Variants in CWC27 observed in about 807,000 individuals in gnomAD.
CWC27 encodes the protein spliceosome-associated protein CWC27 homolog.
Under a neutral mutation model 63.6 loss-of-function variants are expected in CWC27, and 47 were observed. The ratio of observed to expected loss-of-function variants is 0.74; its 90% CI spans 0.58 to 0.94. The LOEUF (loss-of-function observed/expected upper bound fraction) is 0.94, where lower values mean the gene tolerates loss of function less well. Ranked by LOEUF, CWC27 falls within the 40% of genes least tolerant of loss-of-function variation. The pLI, the probability that CWC27 is intolerant of heterozygous loss-of-function variation, is 0.00. For synonymous variants in CWC27, 175 were observed against 179.8 expected (o/e 0.97, Z 0.22); for missense variants, 495 against 554.3 (o/e 0.89, Z 1.07).
chr5:64,791,080 G>A (rs1377769796), intron 7 of CWC27, among the ~76,000 whole-genome samples: 1 of 152,170 alleles, frequency 6.6e-6, no homozygotes, highest in Non-Finnish European at 1.5e-5. Flanking sequence ...AGGCAGCTGG[G>A]GAAGGCAGTT....
intron 7 of CWC27, among the ~76,000 whole-genome samples, chr5:64,792,375 T>C (rs1744115539): frequency 6.6e-6 from 1 of 152,186 alleles, no homozygotes; most frequent in Non-Finnish European, 1.5e-5. Flanking sequence ...AATGATTTGC[T>C]GCTCTATATG....
At chr5:64,799,661 T>C (rs544730122) in intron 7 of CWC27, among the ~76,000 whole-genome samples, 1 of 151,530 alleles carries the variant, frequency 6.6e-6, no homozygotes, top group East Asian at 1.9e-4. Context: ...TTTTATATCT[T>C]GTTTCCCTTC....
chr5:65,008,049 T>C (rs1212342894), intron 13 of CWC27, among the ~76,000 whole-genome samples: 1 of 152,242 alleles, frequency 6.6e-6, no homozygotes, highest in African/African-American at 2.4e-5. Context: ...AGTATATTTG[T>C]ATGTATATGT....
At chr5:64,919,501 C>T (rs1049209472) in intron 11 of CWC27, among the ~76,000 whole-genome samples, 2 of 152,192 alleles carry the variant, frequency 1.3e-5, no homozygotes, top group African/African-American at 4.8e-5. Flanking sequence ...AACCTACACC[C>T]TCATCCTACT....
At chr5:64,893,885 T>C (rs1747302678) in intron 11 of CWC27, among the ~76,000 whole-genome samples, 2 of 151,850 alleles carry the variant, frequency 1.3e-5, no homozygotes, top group African/African-American at 4.8e-5. Context: ...GTTACTTCTG[T>C]GCAATAATCA....
intron 11 of CWC27, among the ~76,000 whole-genome samples, chr5:64,904,496 C>T (rs1007481975): frequency 6.6e-6 from 1 of 152,196 alleles, no homozygotes; most frequent in Non-Finnish European, 1.5e-5. Flanking sequence ...CCATATGCAC[C>T]TCTCCATAGT....
chr5:64,784,195 A>G (rs1743801922), intron 4 of CWC27, among the ~76,000 whole-genome samples: 1 of 152,208 alleles, frequency 6.6e-6, no homozygotes, highest in African/African-American at 2.4e-5. Context: ...CAATTCAGTC[A>G]TTAGTTGTGA....
At chr5:65,007,905 G>A (rs895304669) in intron 13 of CWC27, among the ~76,000 whole-genome samples, 4 of 152,126 alleles carry the variant, frequency 2.6e-5, no homozygotes, top group African/African-American at 7.2e-5. Context: ...TGGGATTACA[G>A]GCGTGAGCCA....
chr5:64,855,954 A>T (rs1746248892), intron 10 of CWC27, among the ~76,000 whole-genome samples: 1 of 152,146 alleles, frequency 6.6e-6, no homozygotes, highest in African/African-American at 2.4e-5. Flanking sequence ...CCATAATATG[A>T]ACAAGTCAAA....
At chr5:64,991,632 C>T (rs1749538959) in intron 13 of CWC27, among the ~76,000 whole-genome samples, 1 of 151,956 alleles carries the variant, frequency 6.6e-6, no homozygotes, top group Admixed American at 6.6e-5. Context: ...AAGCTGAGGT[C>T]GGAGGATCAC....
chr5:65,013,909 A>G (rs1216026042), intron 13 of CWC27, among the ~76,000 whole-genome samples: 5 of 152,140 alleles, frequency 3.3e-5, no homozygotes, highest in East Asian at 3.8e-4. Context: ...TCTATATTAG[A>G]CTACTTATTG....
At chr5:65,002,804 T>C (rs1269666409) in intron 13 of CWC27, among the ~76,000 whole-genome samples, 3 of 152,198 alleles carry the variant, frequency 2.0e-5, no homozygotes, top group Admixed American at 2.0e-4. Flanking sequence ...CTGGGTTCAT[T>C]TGGCCTAAGG....
In CWC27 at chr5:64,990,561, G is replaced by A. The variant is rs1313587858; in HGVS notation, c.1256+13323G>A. Among the ~76,000 whole-genome samples the A allele has an allele frequency of 2.6e-4, 12 of 46,590 alleles. 4 individuals carry two copies. Among genetic ancestry groups the A allele is most frequent in the Non-Finnish European group, 5.0e-4 (10 of 20,150 alleles). The allele number at this position is 46,590 out of a possible 152,430, so 30.6% of individuals were successfully genotyped here. A position where few individuals can be genotyped will look rare whatever the true frequency, so the allele number is the denominator to read the frequency against. On this transcript the variant is annotated intron_variant, in intron 13 of 13. Coordinates refer to ENST00000381070, the MANE Select transcript of CWC27 (RefSeq NM_005869.4). ...ATTACAGGCGTGAGCCACCGCGCCC[G>A]GCCGAGTTTTTATTTGTTTAGATGT...
chr5:64,947,623 A>G (rs1748614543), intron 11 of CWC27, among the ~76,000 whole-genome samples: 1 of 152,136 alleles, frequency 6.6e-6, no homozygotes, highest in Non-Finnish European at 1.5e-5. Context: ...ACAGAATTGG[A>G]TAAGCTTCAC....
intron 10 of CWC27, among the ~76,000 whole-genome samples, chr5:64,857,133 T>A (rs1746275506): frequency 6.6e-6 from 1 of 152,210 alleles, no homozygotes; most frequent in Non-Finnish European, 1.5e-5. Flanking sequence ...ATATGTTGTT[T>A]TAAAGAATAA....
chr5:65,002,360 GTTTGTT>G (rs543672200), intron 13 of CWC27, among the ~76,000 whole-genome samples: 189 of 152,062 alleles, frequency 1.2e-3, no homozygotes, highest in African/African-American at 4.3e-3. Context: ...TTAGGGTTTG[GTTTGTT>G]TTTGCTTTTT....
chr5:64,785,495 A>G lies in CWC27; in HGVS notation c.411A>G (p.Thr137=). The part of the protein sequence containing the change: ...HTIFGKVTGD[T]VYNMLRLSEV... ...TAATTTGATAGGTTACAGGGGATAC[A>G]GTATATAACATGTTGCGACTGTCAG... The change falls in exon 5 of 14, where the codon ACA becomes ACG. Residue 137 remains threonine, a synonymous_variant. Transcript: ENST00000381070. The G allele has an allele frequency of 6.8e-7, 1 of 1,465,202 alleles. No individual in the cohort carries two copies. Among genetic ancestry groups the G allele is most frequent in the Non-Finnish European group, 9.0e-7 (1 of 1,108,242 alleles). The allele number at this position is 1,465,202 out of a possible 1,614,324, so 90.8% of individuals were successfully genotyped here.
In CWC27 at chr5:64,993,651, G is replaced by C. The variant is rs139917406; in HGVS notation, c.1256+16413G>C. On this transcript the variant is annotated intron_variant, in intron 13 of 13. Coordinates refer to ENST00000381070, the MANE Select transcript of CWC27 (RefSeq NM_005869.4). The stretch of plus-strand genomic sequence containing the variant: ...AGTCATGGATTCTGGACTCTCTCCA[G>C]AATCTTTTTATTTCTTTTTTTTTTT... 3.5e-3 allele frequency among the ~76,000 whole-genome samples: 537 copies of C among 151,878 alleles called. 3 individuals carry two copies. Among genetic ancestry groups the C allele is most frequent in the Middle Eastern group, 6.8e-3 (2 of 294 alleles).
chr5:64,944,390 T>C (rs1748547796), intron 11 of CWC27, among the ~76,000 whole-genome samples: 1 of 152,156 alleles, frequency 6.6e-6, no homozygotes, highest in African/African-American at 2.4e-5. Context: ...TTACCAGATT[T>C]TACACTGTTG....
Sources: gnomAD v4.1 joint callset for allele counts (sites outside exome capture counted in the v4.1 genomes callset) on GRCh38, gnomAD v4.1.1 for gene constraint, MANE v1.5 for transcripts, NCBI Gene and HGNC (gene_info 2026-07-23, HGNC 2026-07-21) for gene names.